PRKN: variants seen among roughly 807,000 people sequenced by gnomAD.
The protein encoded by PRKN is parkin RBR E3 ubiquitin protein ligase.
Under a neutral mutation model 59.5 loss-of-function variants are expected in PRKN, and 56 were observed. The ratio of observed to expected loss-of-function variants is 0.94; its 90% CI spans 0.76 to 1.18. The LOEUF is 1.18. Among genes scored for constraint, PRKN ranks in the 50% most tolerant of loss-of-function variants. PRKN has a pLI of 0.00. For missense variants in PRKN, 657 were observed against 596.4 expected (o/e 1.10, Z -1.06); for synonymous variants, 250 against 222.1 (o/e 1.13, Z -1.12).
chr6:162,214,966 C>T (rs945027767), intron 3 of PRKN, among the ~76,000 whole-genome samples: 75 of 152,298 alleles, frequency 4.9e-4, no homozygotes, highest in African/African-American at 1.7e-3. Flanking sequence ...ATTCACCTTT[C>T]TTCCTCATCC....
At chr6:161,690,387 C>A (rs1370549520) in intron 7 of PRKN, among the ~76,000 whole-genome samples, 2 of 152,184 alleles carry the variant, frequency 1.3e-5, no homozygotes, top group African/African-American at 2.4e-5. Context: ...GCAGGCTGAG[C>A]TCCATTATGG....
At chr6:162,414,553 A>G (rs6916768) in intron 2 of PRKN, among the ~76,000 whole-genome samples, 48,209 of 149,482 alleles carry the variant, frequency 0.32, 7,936 homozygotes, top group East Asian at 0.59. Context: ...CTAAAATACA[A>G]AAAAAAAATT....
At chr6:161,752,175 T>C (rs1404457742) in intron 7 of PRKN, among the ~76,000 whole-genome samples, 1 of 151,998 alleles carries the variant, frequency 6.6e-6, no homozygotes, top group Non-Finnish European at 1.5e-5. Flanking sequence ...ATCGAGACCA[T>C]CCTGGCCAAC....
chr6:162,176,430 C>T (rs1783539420), intron 4 of PRKN, among the ~76,000 whole-genome samples: 1 of 152,002 alleles, frequency 6.6e-6, no homozygotes, highest in Non-Finnish European at 1.5e-5. Flanking sequence ...AAATCTAGGA[C>T]TATATGGTAC....
At chr6:161,763,390 C>A (rs1409855865) in intron 7 of PRKN, among the ~76,000 whole-genome samples, 6 of 151,604 alleles carry the variant, frequency 4.0e-5, no homozygotes, top group Non-Finnish European at 7.4e-5. Context: ...ACAGGAGACA[C>A]CCCCATCCTT....
At chr6:162,681,370 G>T (rs1779762198) in intron 1 of PRKN, among the ~76,000 whole-genome samples, 2 of 152,128 alleles carry the variant, frequency 1.3e-5, no homozygotes, top group South Asian at 4.1e-4. Flanking sequence ...AATTGAGGCA[G>T]GAGAATAGAG....
chr6:162,247,060 A>G (rs544483004), intron 3 of PRKN, among the ~76,000 whole-genome samples: 63 of 152,200 alleles, frequency 4.1e-4, no homozygotes, highest in Middle Eastern at 3.4e-3. Flanking sequence ...TAATTGTTTT[A>G]GTTTTGCTAC....
chr6:161,618,423 T>G (rs552126534), intron 7 of PRKN, among the ~76,000 whole-genome samples: 1 of 152,316 alleles, frequency 6.6e-6, no homozygotes, highest in African/African-American at 2.4e-5. Flanking sequence ...GGTAAAAGAC[T>G]ATGTCCAAAT....
At position 161,552,916 on chromosome 6, in the gene PRKN, G is replaced by A. The variant is rs193297714; in HGVS notation, c.934-3913C>T. ...AGCGATTCTCCTGCCTCAGCCTCCC[G>A]AGTAGCTGGGACTACAGGTGTGTAC... is the stretch of plus-strand genomic sequence containing the variant. On this transcript the variant is annotated intron_variant, in intron 8 of 11. Transcript: ENST00000366898. The surrounding 1 kb of genome is among the most constrained non-coding windows in gnomAD (Gnocchi z 4.9). 2.6e-4 allele frequency among the ~76,000 whole-genome samples: 40 copies of A among 151,364 alleles called. No individual in the cohort carries two copies. Among genetic ancestry groups the A allele is most frequent in the African/African-American group, 9.2e-4 (38 of 41,272 alleles).
rs1394797440 is a variant in PRKN at position 161,554,284 on chromosome 6, G to A, written c.934-5281C>T. 2.6e-5 allele frequency among the ~76,000 whole-genome samples: 4 copies of A among 151,936 alleles called. No individual in the cohort carries two copies. The highest frequency in any genetic ancestry group is 5.9e-5 in the Non-Finnish European group (4 of 68,014). ...GAAAACTTCAAATATGTTTTCATATGCTCTACTCATTCTCCCACAAAATTT... is the reference window on the plus strand; with the variant it reads ...GAAAACTTCAAATATGTTTTCATATACTCTACTCATTCTCCCACAAAATTT... On this transcript the variant is annotated intron_variant, in intron 8 of 11. Coordinates refer to ENST00000366898, the MANE Select transcript of PRKN (RefSeq NM_004562.3). This position sits in a 1 kb window ranked among gnomAD's most constrained non-coding sequence, Gnocchi z 4.5.
At chr6:161,500,395 C>T (rs1777918392) in intron 9 of PRKN, among the ~76,000 whole-genome samples, 1 of 152,164 alleles carries the variant, frequency 6.6e-6, no homozygotes, top group Admixed American at 6.5e-5. Context: ...TAACATTTAT[C>T]CACCTCTGCA....
At position 161,502,415 on chromosome 6, in the gene PRKN, C is replaced by A; in HGVS notation, c.1083+46439G>T. On this transcript the variant is annotated intron_variant, in intron 9 of 11. Coordinates refer to ENST00000366898, the MANE Select transcript of PRKN (RefSeq NM_004562.3). The surrounding 1 kb of genome is among the most constrained non-coding windows in gnomAD (Gnocchi z 4.0). ...AGTAAACATGACTGATGGTAAAGGA[C>A]CCCTTCTAACCAACCCTGGGAAATT... is the stretch of plus-strand genomic sequence containing the variant. Among the ~76,000 whole-genome samples, 1 of 152,092 alleles carries A rather than the reference C, an allele frequency of 6.6e-6. No homozygotes were observed. Among genetic ancestry groups the A allele is most frequent in the East Asian group, 1.9e-4 (1 of 5,188 alleles).
intron 2 of PRKN, among the ~76,000 whole-genome samples, chr6:162,318,037 A>G (rs1486130231): frequency 1.3e-5 from 2 of 151,968 alleles, no homozygotes; most frequent in East Asian, 3.9e-4. Context: ...ATTTTCCCAA[A>G]CTAAAACTCC....
intron 7 of PRKN, among the ~76,000 whole-genome samples, chr6:161,720,785 T>C (rs1214928472): frequency 2.0e-5 from 3 of 152,170 alleles, no homozygotes; most frequent in Non-Finnish European, 1.5e-5. Flanking sequence ...TTTTTAACTA[T>C]TTTTAAGTCC....
intron 7 of PRKN, among the ~76,000 whole-genome samples, chr6:161,701,427 G>C (rs2128179072): frequency 6.6e-6 from 1 of 152,212 alleles, no homozygotes; most frequent in Admixed American, 6.5e-5. Flanking sequence ...AATGAAAGTT[G>C]CTGATTTTTT....
At chr6:161,771,862 C>T (rs776834293) in intron 7 of PRKN, among the ~76,000 whole-genome samples, 1 of 152,138 alleles carries the variant, frequency 6.6e-6, no homozygotes, top group Non-Finnish European at 1.5e-5. Context: ...AGTATAAACC[C>T]TCATAAATAT....
intron 7 of PRKN, among the ~76,000 whole-genome samples, chr6:161,770,199 G>T (rs1789605223): frequency 6.6e-6 from 1 of 152,156 alleles, no homozygotes. Flanking sequence ...GGAGCATGGG[G>T]AAGGGCTTTT....
chr6:161,992,957 ACTG>A (rs1781706499), intron 5 of PRKN, among the ~76,000 whole-genome samples: 1 of 152,172 alleles, frequency 6.6e-6, no homozygotes, highest in African/African-American at 2.4e-5. Context: ...CAGCAAAAGT[ACTG>A]CTAAGAGAAA....
At chr6:162,235,592 G>A (rs999065875) in intron 3 of PRKN, among the ~76,000 whole-genome samples, 1 of 152,118 alleles carries the variant, frequency 6.6e-6, no homozygotes, top group Non-Finnish European at 1.5e-5. Context: ...TGGATCATGA[G>A]GTCAGGAGTT....
Sources: gnomAD v4.1 joint callset for allele counts (sites outside exome capture counted in the v4.1 genomes callset) on GRCh38, gnomAD v4.1.1 for gene constraint, Gnocchi (gnomAD v3.1) non-coding constraint, MANE v1.5 for transcripts, NCBI Gene and HGNC (gene_info 2026-07-23, HGNC 2026-07-21) for gene names.